The following DLG4 variants were observed in gnomAD, a reference collection of about 807,000 sequenced individuals.
DLG4 encodes the protein disks large homolog 4.
In DLG4, 7 loss-of-function variants were observed where a neutral mutation model predicts 93.8. That is an observed-to-expected ratio of 0.07 (90% CI 0.04 to 0.14). The LOEUF (loss-of-function observed/expected upper bound fraction) is 0.14, where lower values mean the gene tolerates loss of function less well. Ranked by LOEUF, DLG4 falls within the 10% of genes least tolerant of loss-of-function variation. The pLI, the probability that DLG4 is intolerant of heterozygous loss-of-function variation, is 1.00. For synonymous variants in DLG4, 341 were observed against 387.6 expected (o/e 0.88, Z 1.41); for missense variants, 545 against 992.9 (o/e 0.55, Z 6.06).
chr17:7,204,126 C>T (rs1164379846), intron 3 of DLG4, 59 bp from the exon 4 acceptor site: 9 of 1,598,750 alleles, frequency 5.6e-6, no homozygotes, highest in East Asian at 2.3e-5. Flanking sequence ...ACCACCTGCC[C>T]GTCATCTGCT....
At chr17:7,197,467 T>G (rs1233473138) in intron 8 of DLG4, among the ~76,000 whole-genome samples, 1 of 151,676 alleles carries the variant, frequency 6.6e-6, no homozygotes, top group Non-Finnish European at 1.5e-5. Flanking sequence ...CTAAAAGAAT[T>G]TCCCACATTC....
At position 7,208,034 on chromosome 17, in the gene DLG4, C is replaced by T. The variant is rs534233848; in HGVS notation, c.96+140G>A. 16 of 1,274,590 alleles carry T rather than the reference C, an allele frequency of 1.3e-5. No individual in the cohort carries two copies. In the African/African-American group the frequency reaches 2.0e-4, roughly 16 times the overall value. 79.0% of individuals were successfully genotyped at this position (1,274,590 alleles called of 1,614,324 possible). ...TAGGGATTGCTGCAGCTCCGAGGCT[C>T]CGAGGGCCGCACTGGGGAGGGGGCC... On this transcript the variant is annotated intron_variant, in intron 2 of 19. Transcript: ENST00000399506. The surrounding 1 kb of genome is among the most constrained non-coding windows in gnomAD (Gnocchi z 5.4).
rs1484876182 is a variant in DLG4 at position 7,194,570 on chromosome 17, G to T, written c.1302-75C>A. ...GGATGCCCCAGTCACCCAAAGACCC[G>T]GCCCAGAGGTCTGCAGATGGCACTC... On this transcript the variant is annotated intron_variant, in intron 11 of 19. Transcript: ENST00000399506. This position sits in a 1 kb window ranked among gnomAD's most constrained non-coding sequence, Gnocchi z 4.4. The T allele has an allele frequency of 1.3e-6, 2 of 1,490,472 alleles. No individual in the cohort carries two copies. The highest frequency in any genetic ancestry group is 1.8e-6 in the Non-Finnish European group (2 of 1,107,562). The allele number at this position is 1,490,472 out of a possible 1,614,324, so 92.3% of individuals were successfully genotyped here.
chr17:7,196,492 G>A lies in DLG4; in HGVS notation c.1167C>T (p.Ile389=), dbSNP rs17203281. 0.3 allele frequency: 491,725 copies of A among 1,613,368 alleles called. 77,375 individuals are homozygous for A. The highest frequency in any genetic ancestry group is 0.32 in the Non-Finnish European group (379,534 of 1,179,428). ...LKNAGQTVTI[I]AQYKPEEYSR... ...TGGTACCTTCTGGTTTATACTGAGC[G>A]ATGATCGTGACCGTCTGACCCGCAT... Residue 389 remains isoleucine (I), a synonymous_variant, in exon 10 of 20, where the codon ATC becomes ATT. Coordinates refer to ENST00000399506, the MANE Select transcript of DLG4 (RefSeq NM_001321075.3). The surrounding 1 kb of genome is among the most constrained non-coding windows in gnomAD (Gnocchi z 8.3).
intron 17 of DLG4, 55 bp downstream of exon 17, chr17:7,192,890 C>T (rs896597488): frequency 3.3e-6 from 5 of 1,515,222 alleles, no homozygotes; most frequent in Non-Finnish European, 3.6e-6. Context: ...TGGAGGGAGG[C>T]AGTGGGGTGG....
chr17:7,196,035 T>C lies in DLG4; in HGVS notation c.1301+185A>G, dbSNP rs1334351305. Among the ~76,000 whole-genome samples the C allele has an allele frequency of 6.6e-6, 1 of 151,840 alleles. No individual in the cohort carries two copies. The highest frequency in any genetic ancestry group is 2.4e-5 in the African/African-American group (1 of 41,396). ...ACTTGGGGCAGAGGCTATTTTCCCA[T>C]CGACAGGGAGTATTTCAAATGTTAA... is the stretch of plus-strand genomic sequence containing the variant. On this transcript the variant is annotated intron_variant, in intron 11 of 19. Transcript: ENST00000399506. This position sits in a 1 kb window ranked among gnomAD's most constrained non-coding sequence, Gnocchi z 8.3.
chr17:7,206,795 C>G (rs1403655960), intron 2 of DLG4, among the ~76,000 whole-genome samples: 1 of 152,034 alleles, frequency 6.6e-6, no homozygotes, highest in Non-Finnish European at 1.5e-5. Context: ...AACCTGCTTG[C>G]CCGCTCCCTA....
Sources: gnomAD v4.1 joint callset for allele counts (sites outside exome capture counted in the v4.1 genomes callset) on GRCh38, gnomAD v4.1.1 for gene constraint, Gnocchi (gnomAD v3.1) non-coding constraint, MANE v1.5 for transcripts, NCBI Gene and HGNC (gene_info 2026-07-23, HGNC 2026-07-21) for gene names.